The following DNAH1 variants were observed in gnomAD, a reference collection of about 807,000 sequenced individuals.
DNAH1 encodes dynein axonemal heavy chain 1.
In DNAH1, 327 loss-of-function variants were observed where a neutral mutation model predicts 484.3. The observed-to-expected ratio is 0.68, with a 90% CI of 0.62 to 0.74. DNAH1 has a LOEUF of 0.74. DNAH1 is among the 30% of genes least tolerant of loss of function. The pLI is 0.00. For missense variants in DNAH1, 5,052 were observed against 5,546.8 expected (o/e 0.91, Z 2.83); for synonymous variants, 2,192 against 2,191.9 (o/e 1.00, Z 0.00).
chr3:52,357,795 A>G (rs926240107), intron 23 of DNAH1, 60 bp downstream of exon 23: 1 of 1,573,628 alleles, frequency 6.4e-7, no homozygotes, highest in Admixed American at 1.9e-5. Flanking sequence ...TGAGGTGTCC[A>G]GGGCCCTGCT....
At chr3:52,352,753 G>A in intron 18 of DNAH1, 46 bp downstream of exon 18, 1 of 1,582,592 alleles carries the variant, frequency 6.3e-7, no homozygotes. Context: ...CAGGCTTGAG[G>A]AAGCAGCTCA....
At chr3:52,393,177 A>G (rs771516548) in intron 65 of DNAH1, among the ~76,000 whole-genome samples, 152 bp downstream of exon 65, 2 of 151,754 alleles carry the variant, frequency 1.3e-5, no homozygotes, top group African/African-American at 4.8e-5. Context: ...CAGCACGCCT[A>G]CCCTCCTCCG....
At position 52,359,197 on chromosome 3, in the gene DNAH1, G is replaced by C. The variant is rs577971971; in HGVS notation, c.4267-49G>C. 9 of 1,545,150 alleles carry C rather than the reference G, an allele frequency of 5.8e-6. No homozygotes were observed. In the South Asian group the frequency reaches 1.1e-4, roughly 18 times the overall value. ...CATTCAGAGGAAGAAGAAAGAATGG[G>C]ATTGGGGCTGCGGCTGTCCAGGTCA... On this transcript the variant is annotated intron_variant, in intron 25 of 77. Coordinates refer to ENST00000420323, the MANE Select transcript of DNAH1 (RefSeq NM_015512.5).
chr3:52,326,537 C>T (rs1440528821), intron 4 of DNAH1, among the ~76,000 whole-genome samples, 198 bp from the exon 5 acceptor site: 1 of 152,120 alleles, frequency 6.6e-6, no homozygotes, highest in Admixed American at 6.5e-5. Context: ...CGGGGCGGGA[C>T]AGAAGGGCAG....
intron 48 of DNAH1, 108 bp downstream of exon 48, chr3:52,380,243 CA>C: frequency 1.0e-6 from 1 of 983,438 alleles, no homozygotes; most frequent in South Asian, 1.6e-5. Context: ...ACACTATAAC[CA>C]GGGGGCCAGG....
rs761061348 is a variant in DNAH1 at position 52,351,996 on chromosome 3, G to A, written c.2764G>A (p.Gly922Arg). 2 of 1,601,812 alleles carry A rather than the reference G, an allele frequency of 1.2e-6. No homozygotes were observed. Among genetic ancestry groups the A allele is most frequent in the South Asian group, 2.3e-5 (2 of 88,290 alleles). Residue 922 changes from glycine to arginine, a missense_variant, in exon 17 of 78, where the codon GGG becomes AGG. By Grantham distance (125) the Gly-to-Arg change is moderately radical. Transcript: ENST00000420323. ...CAGCAACTGGCCTTCTAAGATCCTT[G>A]GGCAGATAGAGCTGGTGCAGCAGCA... ...IASNWPSKIL[G>R]QIELVQQQHV...
chr3:52,370,001 C>A lies in DNAH1; in HGVS notation c.6120C>A (p.Leu2040=), dbSNP rs1295311826. ...LKPYEEHFKA[L]FVSFLEESIS... is the part of the protein sequence containing the mutation. ...CCTATGAGGAGCATTTCAAGGCCCT[C>A]TTTGTCAGCTTCCTGGAGGTGAGTG... Residue 2040 remains leucine (L), a synonymous_variant, in exon 38 of 78, where the codon CTC becomes CTA. Coordinates refer to ENST00000420323, the MANE Select transcript of DNAH1 (RefSeq NM_015512.5). 1.2e-6 allele frequency: 2 copies of A among 1,613,330 alleles called. No homozygotes were observed. Among genetic ancestry groups the A allele is most frequent in the Admixed American group, 1.7e-5 (1 of 60,016 alleles).
intron 17 of DNAH1, 104 bp from the exon 18 acceptor site, chr3:52,352,448 A>G (rs1473362992): frequency 1.4e-6 from 2 of 1,454,116 alleles, no homozygotes; most frequent in South Asian, 1.3e-5. Flanking sequence ...TAGAACTCGG[A>G]GGAGTGGACG....
rs1701595128 is a variant in DNAH1, at chr3:52,332,497, A to C, written c.1286+103A>C. On this transcript the variant is annotated intron_variant, in intron 8 of 77. Transcript: ENST00000420323. ...CCAGGGTGGAGCTCCCTCAGGGCTC[A>C]TCTGTTTGAGACTGTCCTGGCTATT... The C allele has an allele frequency of 2.7e-6, 4 of 1,504,714 alleles. No homozygotes were observed. In the African/African-American group the frequency reaches 5.5e-5, roughly 21 times the overall value. 93.2% of individuals were successfully genotyped at this position (1,504,714 alleles called of 1,614,324 possible). A position where few individuals can be genotyped will look rare whatever the true frequency, so the allele number is the denominator to read the frequency against.
Position 52,395,072 on chromosome 3 carries a change from AC to A in DNAH1, c.10968+16del, listed in dbSNP as rs1409638002. ...CATTGAACCCCAGGCAAGTGCTGGA[AC>A]CCTGGCAGGACTGGCACCTTGAGCT... On this transcript the variant is annotated intron_variant, in intron 68 of 77. Transcript: ENST00000420323. The surrounding 1 kb of genome is among the most constrained non-coding windows in gnomAD (Gnocchi z 4.4). 6.2e-7 allele frequency: 1 copy of A among 1,602,910 alleles called. No individual in the cohort carries two copies. Among genetic ancestry groups the A allele is most frequent in the Non-Finnish European group, 8.5e-7 (1 of 1,174,792 alleles).
In DNAH1 at chr3:52,379,614, G is replaced by A. The variant is rs1370619390; in HGVS notation, c.7378-291G>A. ...ACAGGGGGCTAAAAGGTGGAAGTGA[G>A]GTGCTTGTGACAAGCTAGCAGAGCC... On this transcript the variant is annotated intron_variant, in intron 47 of 77. Coordinates refer to ENST00000420323, the MANE Select transcript of DNAH1 (RefSeq NM_015512.5). This position sits in a 1 kb window ranked among gnomAD's most constrained non-coding sequence, Gnocchi z 4.4. Among the ~76,000 whole-genome samples, 6 of 152,158 alleles carry A rather than the reference G, an allele frequency of 3.9e-5. No homozygotes were observed. The highest frequency in any genetic ancestry group is 8.8e-5 in the Non-Finnish European group (6 of 68,024).
intron 8 of DNAH1, among the ~76,000 whole-genome samples, chr3:52,339,804 CTGTGTG>C (rs59262545): frequency 3.8e-4 from 55 of 146,626 alleles, no homozygotes; most frequent in South Asian, 8.7e-4. Flanking sequence ...GTGTGTGTGT[CTGTGTG>C]TGTGTGTGTG....
At chr3:52,375,886 A>C in intron 45 of DNAH1, 69 bp from the exon 46 acceptor site, 1 of 1,571,260 alleles carries the variant, frequency 6.4e-7, no homozygotes, top group Non-Finnish European at 8.7e-7. Flanking sequence ...CCACCATCTC[A>C]CCTGGCCAGG....
chr3:52,385,117 T>C, intron 53 of DNAH1, 140 bp downstream of exon 53: 1 of 1,167,390 alleles, frequency 8.6e-7, no homozygotes, highest in Non-Finnish European at 1.2e-6. Context: ...TCCCCCCTCA[T>C]CAAAAGAACA....
rs765598691 is a variant in DNAH1 at position 52,400,469 on chromosome 3, CATTA to C, written c.*25_*28del. 2 of 1,613,672 alleles carry C rather than the reference CATTA, an allele frequency of 1.2e-6. No individual in the cohort carries two copies. The highest frequency in any genetic ancestry group is 2.7e-5 in the African/African-American group (2 of 74,938). ...TAGACTCAGACAGAAGGGCTGGGGC[CATTA>C]AAGCTGAATTTTCTAAGCAGTCCAG... On this transcript the variant is annotated 3_prime_UTR_variant, in exon 78 of 78. Transcript: ENST00000420323.
intron 44 of DNAH1, chr3:52,373,638 C>A: frequency 7.0e-7 from 1 of 1,429,002 alleles, no homozygotes; most frequent in Non-Finnish European, 9.9e-7. Context: ...ACTTCAAAAA[C>A]TACCATCCTT....
Position 52,379,900 on chromosome 3 carries a change from T to A in DNAH1, c.7378-5T>A. 6.4e-7 allele frequency: 1 copy of A among 1,555,866 alleles called. No individual in the cohort carries two copies. The highest frequency in any genetic ancestry group is 8.7e-7 in the Non-Finnish European group (1 of 1,149,838). On this transcript the variant is annotated splice_region_variant and splice_polypyrimidine_tract_variant and intron_variant, in intron 47 of 77. Transcript: ENST00000420323. The surrounding 1 kb of genome is among the most constrained non-coding windows in gnomAD (Gnocchi z 4.4). ...GGACAGGCACCGATGCTGGGGCTACTGCAGGACCAAGTGCAGCTGCTGCGA... is the reference window on the plus strand; with the variant it reads ...GGACAGGCACCGATGCTGGGGCTACAGCAGGACCAAGTGCAGCTGCTGCGA...
At position 52,381,599 on chromosome 3, in the gene DNAH1, A is replaced by G. The variant is rs566281756; in HGVS notation, c.7609-41A>G. The G allele has an allele frequency of 3.4e-5, 53 of 1,542,924 alleles. No individual in the cohort carries two copies. The African/African-American group carries it at 4.1e-4, about 12-fold the overall frequency. On this transcript the variant is annotated intron_variant, in intron 48 of 77. Coordinates refer to ENST00000420323, the MANE Select transcript of DNAH1 (RefSeq NM_015512.5). The surrounding 1 kb of genome is among the most constrained non-coding windows in gnomAD (Gnocchi z 4.1). ...GGGGGAATCGGGGAGACCCTACAGT[A>G]AGAGAGACCCCGCCTTCCCCATCCT... is the stretch of plus-strand genomic sequence containing the variant.
chr3:52,324,261 AACAGGACCTG>A (rs1326734683), intron 3 of DNAH1, among the ~76,000 whole-genome samples: 1 of 152,146 alleles, frequency 6.6e-6, no homozygotes, highest in Admixed American at 6.5e-5. Context: ...CAGCACCTAG[AACAGGACCTG>A]GCTCAGATAG....
Sources: allele counts gnomAD v4.1 joint callset (sites outside exome capture counted in the v4.1 genomes callset), GRCh38; gene constraint gnomAD v4.1.1; non-coding constraint Gnocchi (gnomAD v3.1); transcripts MANE v1.5; gene names NCBI Gene and HGNC (gene_info 2026-07-23, HGNC 2026-07-21).